DPP10: variants seen among roughly 807,000 people sequenced by gnomAD.
The protein encoded by DPP10 is dipeptidyl peptidase like 10, also known as inactive dipeptidyl peptidase 10.
DPP10 carries 33 observed loss-of-function variants against 120.9 expected under a neutral mutation model. The observed-to-expected ratio is 0.27, with a 90% CI of 0.21 to 0.37. The LOEUF (loss-of-function observed/expected upper bound fraction) is 0.37, where lower values mean the gene tolerates loss of function less well. Among genes scored for constraint, DPP10 ranks in the 10% least tolerant of loss-of-function variants. The probability of loss-of-function intolerance (pLI) is 1.00; values close to 1 mark genes in which losing one functional copy is unlikely to be tolerated. For synonymous variants in DPP10, 337 were observed against 326.1 expected (o/e 1.03, Z -0.36); for missense variants, 816 against 942.8 (o/e 0.87, Z 1.76).
intron 1 of DPP10, among the ~76,000 whole-genome samples, chr2:115,098,385 T>TC (rs1357536945): frequency 1.3e-5 from 2 of 152,116 alleles, no homozygotes; most frequent in Non-Finnish European, 2.9e-5. Flanking sequence ...GAGAAATGGG[T>TC]CCTTATATGA....
intron 1 of DPP10, among the ~76,000 whole-genome samples, chr2:115,160,509 A>G (rs1237496185): frequency 6.6e-6 from 1 of 152,202 alleles, no homozygotes; most frequent in Non-Finnish European, 1.5e-5. Flanking sequence ...TCCTTAGCCA[A>G]TAAAGCCCAA....
intron 5 of DPP10, among the ~76,000 whole-genome samples, chr2:115,636,173 A>C (rs1026621422): frequency 2.0e-5 from 3 of 151,936 alleles, no homozygotes; most frequent in African/African-American, 7.2e-5. Context: ...AAACAGACAA[A>C]TCTATGATGG....
intron 5 of DPP10, among the ~76,000 whole-genome samples, chr2:115,610,731 A>G (rs1036235875): frequency 3.9e-5 from 6 of 152,202 alleles, no homozygotes; most frequent in East Asian, 1.9e-4. Context: ...TAACCTGACA[A>G]TAAGCTATAT....
At chr2:115,163,343 CCTTCT>C (rs2052584590) in intron 1 of DPP10, among the ~76,000 whole-genome samples, 1 of 152,140 alleles carries the variant, frequency 6.6e-6, no homozygotes, top group South Asian at 2.1e-4. Context: ...TCTTCCCTCC[CCTTCT>C]CTTTTCTCTC....
intron 1 of DPP10, among the ~76,000 whole-genome samples, chr2:115,254,064 G>A (rs1013599323): frequency 3.3e-5 from 5 of 151,904 alleles, no homozygotes; most frequent in Admixed American, 2.0e-4. Flanking sequence ...ATGCCTGCAC[G>A]CTTAACACCA....
chr2:115,624,395 C>T (rs900276699), intron 5 of DPP10, among the ~76,000 whole-genome samples: 8 of 152,032 alleles, frequency 5.3e-5, no homozygotes, highest in Non-Finnish European at 1.5e-5. Context: ...TTATTTTTGT[C>T]AAGCCCCCCA....
intron 3 of DPP10, among the ~76,000 whole-genome samples, chr2:115,384,665 G>T (rs534425374): frequency 6.8e-6 from 1 of 146,960 alleles, no homozygotes; most frequent in Non-Finnish European, 1.5e-5. Context: ...GGAAGAAGAA[G>T]AAGAAGGAAG....
intron 5 of DPP10, among the ~76,000 whole-genome samples, chr2:115,621,780 A>T (rs909053174): frequency 6.6e-6 from 1 of 152,140 alleles, no homozygotes; most frequent in African/African-American, 2.4e-5. Flanking sequence ...CCCAGGTTCA[A>T]GCAATTCTCC....
chr2:114,869,457 T>C (rs1690510252), intron 1 of DPP10, among the ~76,000 whole-genome samples: 1 of 152,136 alleles, frequency 6.6e-6, no homozygotes, highest in Non-Finnish European at 1.5e-5. Flanking sequence ...TATCAAGGAT[T>C]CATTGTGAAA....
chr2:114,964,963 A>G (rs1698897659), intron 1 of DPP10, among the ~76,000 whole-genome samples: 1 of 152,180 alleles, frequency 6.6e-6, no homozygotes, highest in Admixed American at 6.5e-5. Context: ...GGATATAAGA[A>G]TAAGGTAGAC....
At chr2:114,521,471 AGC>A (rs1685044873) in intron 1 of DPP10, among the ~76,000 whole-genome samples, 1 of 152,204 alleles carries the variant, frequency 6.6e-6, no homozygotes, top group Admixed American at 6.5e-5. Context: ...AAAATTAGAA[AGC>A]GATTAGATAC....
intron 1 of DPP10, among the ~76,000 whole-genome samples, chr2:114,911,089 A>T (rs986784774): frequency 2.6e-5 from 4 of 152,174 alleles, no homozygotes; most frequent in African/African-American, 9.6e-5. Context: ...CGTGACTAAT[A>T]TGGTCTTGCC....
intron 1 of DPP10, among the ~76,000 whole-genome samples, chr2:114,878,782 G>A (rs1691366577): frequency 6.6e-6 from 1 of 152,088 alleles, no homozygotes; most frequent in African/African-American, 2.4e-5. Flanking sequence ...TTTTGTGGCT[G>A]AATGGTATTC....
At chr2:115,046,025 T>TAC (rs1428051345) in intron 1 of DPP10, among the ~76,000 whole-genome samples, 6 of 151,746 alleles carry the variant, frequency 4.0e-5, no homozygotes, top group African/African-American at 1.4e-4. Flanking sequence ...TGTGTGTGTG[T>TAC]GTGTGTGTGT....
At chr2:114,525,538 G>A (rs1414774287) in intron 1 of DPP10, among the ~76,000 whole-genome samples, 1 of 152,146 alleles carries the variant, frequency 6.6e-6, no homozygotes, top group African/African-American at 2.4e-5. Context: ...TAAGATATAT[G>A]CTATTATCTC....
intron 1 of DPP10, among the ~76,000 whole-genome samples, chr2:114,670,553 A>C (rs1274084881): frequency 6.6e-6 from 1 of 151,964 alleles, no homozygotes; most frequent in East Asian, 1.9e-4. Context: ...GTGGGGAGGG[A>C]TAGCATTAGG....
chr2:114,843,216 T>C (rs1688296084), intron 1 of DPP10, among the ~76,000 whole-genome samples: 2 of 152,082 alleles, frequency 1.3e-5, no homozygotes, highest in Non-Finnish European at 2.9e-5. Context: ...GTACTACTTA[T>C]CTGATTCTTG....
At chr2:114,604,601 G>C (rs1328161823) in intron 1 of DPP10, among the ~76,000 whole-genome samples, 1 of 151,946 alleles carries the variant, frequency 6.6e-6, no homozygotes, top group East Asian at 1.9e-4. Flanking sequence ...TCACTCTCTG[G>C]TCCTTTAAAT....
In DPP10 at chr2:115,768,340, T is replaced by G; in HGVS notation, c.1157T>G (p.Met386Arg). The change falls in exon 13 of 26, where the codon ATG becomes AGG. Residue 386 changes from methionine (M) to arginine (R), a missense_variant. By Grantham distance (91) the Met-to-Arg change is moderately conservative (BLOSUM62 -1). Around this residue, in one of 3 missense-constraint regions of DPP10, gnomAD observed 592 missense variants for 649.0 expected, o/e 0.91. Coordinates refer to ENST00000410059, the MANE Select transcript of DPP10 (RefSeq NM_020868.6). ...TCTAGAGACGGCAGCAAATTCTTTA[T>G]GACAGTGCCTGTTAAGCAAGGGGGA... ...VFSRDGSKFFMTVPVKQGGRG... is the reference protein window; with the variant it reads ...VFSRDGSKFFRTVPVKQGGRG... The G allele has an allele frequency of 6.2e-7, 1 of 1,613,752 alleles. No homozygotes were observed. The highest frequency in any genetic ancestry group is 8.5e-7 in the Non-Finnish European group (1 of 1,179,728).
Sources: allele counts gnomAD v4.1 joint callset (sites outside exome capture counted in the v4.1 genomes callset), GRCh38; gene constraint gnomAD v4.1.1; regional missense constraint gnomAD v4.1.1; transcripts MANE v1.5; gene names NCBI Gene and HGNC (gene_info 2026-07-23, HGNC 2026-07-21).